The following DOCK4 variants were observed in gnomAD, a reference collection of about 807,000 sequenced individuals.
DOCK4 encodes the protein dedicator of cytokinesis 4.
DOCK4 carries 97 observed loss-of-function variants against 268.1 expected under a neutral mutation model. The observed-to-expected ratio is 0.36, with a 90% CI of 0.31 to 0.43. The LOEUF is 0.43. DOCK4 is among the 20% of genes least tolerant of loss of function. The pLI is 1.00. For missense variants in DOCK4, 2,145 were observed against 2,455.7 expected, an observed-to-expected ratio of 0.87 and a Z score of 2.67; for synonymous variants, 954 against 887.2, an observed-to-expected ratio of 1.08 and a Z score of -1.34.
rs36043991 is a variant in DOCK4 at position 112,109,744 on chromosome 7, CTT to C, written c.37+96356_37+96357del. Among the ~76,000 whole-genome samples the C allele has an allele frequency of 8.4e-3, 967 of 115,152 alleles. 13 individuals are homozygous for C. The highest frequency in any genetic ancestry group is 0.029 in the African/African-American group (832 of 28,904). The allele number at this position is 115,152 out of a possible 152,430, so 75.5% of individuals were successfully genotyped here. On this transcript the variant is annotated intron_variant, in intron 1 of 52. Coordinates refer to ENST00000428084, the MANE Select transcript of DOCK4 (RefSeq NM_001363540.2). Reference sequence around the variant, plus strand: ...TTTTTTTAAGCTGCAGTAAAATCATCTTTTTTTTTTTTTTTTTTGAGACGGAG... The same window carrying C: ...TTTTTTTAAGCTGCAGTAAAATCATCTTTTTTTTTTTTTTTTGAGACGGAG...
chr7:112,072,026 T>C (rs1339382475), intron 1 of DOCK4, among the ~76,000 whole-genome samples: 2 of 152,212 alleles, frequency 1.3e-5, no homozygotes, highest in East Asian at 3.8e-4. Flanking sequence ...TGCAAACCAA[T>C]GTGAAAATTA....
At chr7:111,851,835 C>T (rs1426377376) in intron 23 of DOCK4, among the ~76,000 whole-genome samples, 1 of 151,978 alleles carries the variant, frequency 6.6e-6, no homozygotes, top group African/African-American at 2.4e-5. Context: ...CTCCTTTCTT[C>T]CTCTTTCAAT....
chr7:112,072,967 A>C (rs1398154684), intron 1 of DOCK4, among the ~76,000 whole-genome samples: 1 of 152,192 alleles, frequency 6.6e-6, no homozygotes, highest in African/African-American at 2.4e-5. Context: ...CTGCGCATGC[A>C]GACAGCCCAC....
chr7:111,869,255 C>T (rs754708265), intron 21 of DOCK4, among the ~76,000 whole-genome samples: 1 of 152,166 alleles, frequency 6.6e-6, no homozygotes, highest in African/African-American at 2.4e-5. Context: ...GAGCCAGGAA[C>T]TTCTAAGCTT....
intron 1 of DOCK4, among the ~76,000 whole-genome samples, chr7:112,202,067 A>G (rs907052653): frequency 1.3e-5 from 2 of 152,154 alleles, no homozygotes; most frequent in Non-Finnish European, 2.9e-5. Context: ...TAGATACTAC[A>G]TTCTCTTTAC....
At chr7:111,746,298 G>A (rs780244668) in intron 44 of DOCK4, 36 bp downstream of exon 44, 27 of 1,572,746 alleles carry the variant, frequency 1.7e-5, no homozygotes, top group Non-Finnish European at 2.3e-5. Context: ...ACATATCCAG[G>A]CAAAATAGAA....
chr7:111,876,930 T>A, intron 17 of DOCK4, 100 bp downstream of exon 17: 1 of 1,127,408 alleles, frequency 8.9e-7, no homozygotes, highest in Non-Finnish European at 1.1e-6. Flanking sequence ...ATAATTTTTC[T>A]AAAGTTCTTA....
At chr7:111,944,531 C>G (rs1366076340) in intron 10 of DOCK4, among the ~76,000 whole-genome samples, 3 of 152,094 alleles carry the variant, frequency 2.0e-5, no homozygotes, top group African/African-American at 4.8e-5. Context: ...ATTTTTGAAT[C>G]AAATATGTTT....
intron 31 of DOCK4, among the ~76,000 whole-genome samples, chr7:111,790,043 A>G (rs1799421381): frequency 6.6e-6 from 1 of 152,184 alleles, no homozygotes; most frequent in Non-Finnish European, 1.5e-5. Context: ...TCAAGCAAAG[A>G]GCAATAAAAC....
chr7:112,143,331 T>C (rs1388358024), intron 1 of DOCK4, among the ~76,000 whole-genome samples: 5 of 152,106 alleles, frequency 3.3e-5, no homozygotes, highest in Admixed American at 3.3e-4. Flanking sequence ...ATGAAACTGG[T>C]TGTTTAAAAT....
Position 111,872,369 on chromosome 7 carries a change from T to A in DOCK4, c.1843-17A>T. On this transcript the variant is annotated splice_polypyrimidine_tract_variant and intron_variant, in intron 18 of 52. Transcript: ENST00000428084. ...CTGCAGAAACTGTTAGATAAAGAAG[T>A]AGCAAATGAGTAAATAAGATACTAT... The A allele has an allele frequency of 2.6e-6, 4 of 1,535,496 alleles. No homozygotes were observed. The highest frequency in any genetic ancestry group is 3.5e-6 in the Non-Finnish European group (4 of 1,137,688).
At chr7:112,069,114 T>C (rs1476617892) in intron 1 of DOCK4, among the ~76,000 whole-genome samples, 1 of 152,180 alleles carries the variant, frequency 6.6e-6, no homozygotes, top group Non-Finnish European at 1.5e-5. Context: ...CCCAAATGAT[T>C]ATCTGTTGCC....
intron 1 of DOCK4, among the ~76,000 whole-genome samples, chr7:112,184,144 G>A (rs778375878): frequency 4.6e-5 from 7 of 152,162 alleles, no homozygotes; most frequent in Non-Finnish European, 8.8e-5. Flanking sequence ...CTAATGCACA[G>A]ACCTGTATTT....
At chr7:112,104,481 T>C (rs1810965008) in intron 1 of DOCK4, among the ~76,000 whole-genome samples, 1 of 152,134 alleles carries the variant, frequency 6.6e-6, no homozygotes, top group African/African-American at 2.4e-5. Context: ...TTGCAGGCCA[T>C]GGCTTATGAA....
chr7:112,113,781 A>T (rs1811882000), intron 1 of DOCK4, among the ~76,000 whole-genome samples: 2 of 69,738 alleles, frequency 2.9e-5, no homozygotes, highest in Admixed American at 2.4e-4. Flanking sequence ...TTTTTTTTGT[A>T]GAGACAGTCT....
At chr7:111,733,889 T>G (rs1795286109) in intron 51 of DOCK4, among the ~76,000 whole-genome samples, 1 of 152,332 alleles carries the variant, frequency 6.6e-6, no homozygotes, top group Non-Finnish European at 1.5e-5. Context: ...CAAAAATTAT[T>G]GGTGACTTGA....
intron 24 of DOCK4, among the ~76,000 whole-genome samples, chr7:111,846,207 G>C (rs918293191): frequency 6.6e-6 from 1 of 152,152 alleles, no homozygotes; most frequent in African/African-American, 2.4e-5. Context: ...TAGCATAAAG[G>C]TAATAGGGAA....
intron 42 of DOCK4, 24 bp from the exon 43 acceptor site, chr7:111,747,467 A>G: frequency 6.5e-7 from 1 of 1,549,060 alleles, no homozygotes; most frequent in South Asian, 1.2e-5. Context: ...GAACATAAAT[A>G]TATATTGAAT....
intron 44 of DOCK4, among the ~76,000 whole-genome samples, chr7:111,744,004 A>G (rs1796103904): frequency 6.6e-6 from 1 of 152,060 alleles, no homozygotes; most frequent in African/African-American, 2.4e-5. Flanking sequence ...GTTTTTGTAG[A>G]GATGGGGTCT....
Sources: gnomAD v4.1 joint callset for allele counts (sites outside exome capture counted in the v4.1 genomes callset) on GRCh38, gnomAD v4.1.1 for gene constraint, MANE v1.5 for transcripts, NCBI Gene and HGNC (gene_info 2026-07-23, HGNC 2026-07-21) for gene names.